CLTC: variants seen among roughly 807,000 people sequenced by gnomAD.
CLTC encodes the protein clathrin heavy chain.
In CLTC, 16 loss-of-function variants were observed where a neutral mutation model predicts 195.8. The ratio of observed to expected loss-of-function variants is 0.08; its 90% CI spans 0.06 to 0.12. The LOEUF (loss-of-function observed/expected upper bound fraction) is 0.12, where lower values mean the gene tolerates loss of function less well. Ranked by LOEUF, CLTC falls within the 10% of genes least tolerant of loss-of-function variation. The pLI is 1.00. For synonymous variants in CLTC, 667 were observed against 689.4 expected (o/e 0.97, Z 0.51); for missense variants, 796 against 2,027.0 (o/e 0.39, Z 11.66).
At position 59,641,603 on chromosome 17, in the gene CLTC, C is replaced by CAAAAAAAA. The variant is rs34208843; in HGVS notation, c.43-2656_43-2649dup. Among the ~76,000 whole-genome samples the CAAAAAAAA allele has an allele frequency of 1.8e-4, 9 of 48,826 alleles. 1 individual carries two copies. The highest frequency in any genetic ancestry group is 7.6e-4 in the East Asian group (1 of 1,312). 32.0% of individuals were successfully genotyped at this position (48,826 alleles called of 152,430 possible). A position where few individuals can be genotyped will look rare whatever the true frequency, so the allele number is the denominator to read the frequency against. On this transcript the variant is annotated intron_variant, in intron 1 of 31. Coordinates refer to ENST00000269122, the MANE Select transcript of CLTC (RefSeq NM_004859.4). ...CTGGCGACAGAGCAAGACTCCATCTCAAAAAAAAAAAAAAAAAAAAAAAAG... is the reference window on the plus strand; with the variant it reads ...CTGGCGACAGAGCAAGACTCCATCTCAAAAAAAAAAAAAAAAAAAAAAAAAAAAAAAAG...
chr17:59,668,793 G>C lies in CLTC; in HGVS notation c.2145G>C (p.Leu715=). 2 of 1,600,690 alleles carry C rather than the reference G, an allele frequency of 1.2e-6. No homozygotes were observed. The highest frequency in any genetic ancestry group is 1.7e-6 in the Non-Finnish European group (2 of 1,176,006). The change falls in exon 14 of 32, where the codon CTG becomes CTC. Residue 715 remains leucine (L), a synonymous_variant. Coordinates refer to ENST00000269122, the MANE Select transcript of CLTC (RefSeq NM_004859.4). ...FKSFEGLFYF[L]GSIVNFSQDP... is the part of the protein sequence containing the mutation. ...TTCTTTAAGGTCTCTTTTATTTTCT[G>C]GGATCCATTGTTAACTTTAGCCAGG...
chr17:59,664,712 T>G, intron 9 of CLTC, 75 bp from the exon 10 acceptor site: 1 of 1,511,326 alleles, frequency 6.6e-7, no homozygotes, highest in Non-Finnish European at 9.0e-7. Context: ...TAGTGAGATT[T>G]TATAGTAGAA....
At chr17:59,692,083 C>T (rs564222136) in intron 31 of CLTC, among the ~76,000 whole-genome samples, 1 of 152,206 alleles carries the variant, frequency 6.6e-6, no homozygotes, top group South Asian at 2.1e-4. Context: ...CTTTGGGAGG[C>T]CAAGGTGGGC....
intron 15 of CLTC, among the ~76,000 whole-genome samples, chr17:59,674,073 A>G (rs1185882935): frequency 6.6e-6 from 1 of 151,866 alleles, no homozygotes; most frequent in Non-Finnish European, 1.5e-5. Context: ...TGCTTTTAAT[A>G]CTTTTTCCCC....
intron 1 of CLTC, among the ~76,000 whole-genome samples, chr17:59,626,248 G>A (rs2143441513): frequency 6.6e-6 from 1 of 152,304 alleles, no homozygotes; most frequent in South Asian, 2.1e-4. Context: ...TTGTCTACTT[G>A]ATTGTGGATC....
intron 18 of CLTC, among the ~76,000 whole-genome samples, chr17:59,680,143 TAAC>T (rs1428666706): frequency 6.6e-6 from 1 of 152,042 alleles, no homozygotes; most frequent in Non-Finnish European, 1.5e-5. Flanking sequence ...AAAAGGAAAA[TAAC>T]AAACTAAACA....
chr17:59,642,470 C>G (rs987573433), intron 1 of CLTC, among the ~76,000 whole-genome samples: 5 of 152,074 alleles, frequency 3.3e-5, no homozygotes, highest in Non-Finnish European at 7.4e-5. Context: ...GTATATAGCT[C>G]TATGAACTTT....
chr17:59,628,603 G>A (rs1037807066), intron 1 of CLTC, among the ~76,000 whole-genome samples: 15 of 152,126 alleles, frequency 9.9e-5, no homozygotes, highest in African/African-American at 3.6e-4. Context: ...TGCACACTGG[G>A]GGTCTCAGGG....
Position 59,666,993 on chromosome 17 carries a change from T to G in CLTC, c.2128+16T>G, listed in dbSNP as rs747302331. On this transcript the variant is annotated intron_variant, in intron 13 of 31. Coordinates refer to ENST00000269122, the MANE Select transcript of CLTC (RefSeq NM_004859.4). The surrounding 1 kb of genome is among the most constrained non-coding windows in gnomAD (Gnocchi z 4.9). ...AGTTTTGAAGGTAATTAGGAGTTTT[T>G]GAGTTTTTAAAAAAAGTACTTAAGG... The G allele has an allele frequency of 4.3e-5, 69 of 1,596,944 alleles. No individual in the cohort carries two copies. Among genetic ancestry groups the G allele is most frequent in the Non-Finnish European group, 5.7e-5 (67 of 1,170,048 alleles).
chr17:59,658,531 C>G (rs1157348643), intron 6 of CLTC: 10 of 152,218 alleles, frequency 6.6e-5, no homozygotes, highest in Admixed American at 6.5e-4. Context: ...CTTTCTTCTA[C>G]TCTTTGCTAA....
At chr17:59,664,277 T>C (rs1421078616) in intron 9 of CLTC, among the ~76,000 whole-genome samples, 2 of 151,726 alleles carry the variant, frequency 1.3e-5, no homozygotes, top group African/African-American at 4.8e-5. Flanking sequence ...CCAGGCCAGG[T>C]GTGGTGGCTT....
chr17:59,639,930 G>C (rs2031981215), intron 1 of CLTC, among the ~76,000 whole-genome samples: 1 of 151,868 alleles, frequency 6.6e-6, no homozygotes. Flanking sequence ...CTCCAGCCTG[G>C]GCAACAGGGC....
At chr17:59,684,027 AAGTT>A in intron 28 of CLTC, 42 bp downstream of exon 28, 1 of 1,220,182 alleles carries the variant, frequency 8.2e-7, no homozygotes, top group South Asian at 1.4e-5. Context: ...AAGACTCATA[AAGTT>A]ATGTTTTCCC....
chr17:59,690,846 A>AT (rs972636546), intron 31 of CLTC, 135 bp downstream of exon 31: 225 of 545,942 alleles, frequency 4.1e-4, no homozygotes, highest in South Asian at 8.2e-4. Context: ...CTACTGTCTG[A>AT]TTTTTTTTCT....
At chr17:59,688,520 T>C (rs1312086178) in intron 30 of CLTC, among the ~76,000 whole-genome samples, 4 of 152,236 alleles carry the variant, frequency 2.6e-5, no homozygotes, top group African/African-American at 4.8e-5. Context: ...TCTCTGCTTT[T>C]TTTTTGAGCA....
chr17:59,679,542 TG>T (rs1426724074), intron 18 of CLTC, 23 bp downstream of exon 18: 1 of 1,543,260 alleles, frequency 6.5e-7, no homozygotes, highest in East Asian at 2.3e-5. Flanking sequence ...AATGTGTTTA[TG>T]GCTGTCAGTA....
chr17:59,656,666 ATTTTTTTTT>A (rs55669818), intron 6 of CLTC, among the ~76,000 whole-genome samples: 7 of 96,222 alleles, frequency 7.3e-5, no homozygotes, highest in African/African-American at 1.4e-4. Flanking sequence ...TATTATTTTA[ATTTTTTTTT>A]TTTTTTTTTT....
In CLTC at chr17:59,624,482, G is replaced by A. The variant is rs538433719; in HGVS notation, c.42+4309G>A. On this transcript the variant is annotated intron_variant, in intron 1 of 31. Transcript: ENST00000269122. ...TTTTTTTTTTTTTTTTTTTTTTTGAGACAGAGTCTCACTCTGTCCTCTGTC... is the reference window on the plus strand; with the variant it reads ...TTTTTTTTTTTTTTTTTTTTTTTGAAACAGAGTCTCACTCTGTCCTCTGTC... Among the ~76,000 whole-genome samples the A allele has an allele frequency of 7.8e-5, 7 of 89,700 alleles. No homozygotes were observed. In the South Asian group the frequency reaches 3.8e-3, roughly 49 times the overall value. 58.8% of individuals were successfully genotyped at this position (89,700 alleles called of 152,430 possible). A position where few individuals can be genotyped will look rare whatever the true frequency, so the allele number is the denominator to read the frequency against.
chr17:59,663,766 T>G, intron 8 of CLTC, 76 bp from the exon 9 acceptor site: 1 of 1,205,574 alleles, frequency 8.3e-7, no homozygotes, highest in South Asian at 1.4e-5. Flanking sequence ...TTATTACTTA[T>G]AGTGGACATA....
Sources: gnomAD v4.1 joint callset for allele counts (sites outside exome capture counted in the v4.1 genomes callset) on GRCh38, gnomAD v4.1.1 for gene constraint, Gnocchi (gnomAD v3.1) non-coding constraint, MANE v1.5 for transcripts, NCBI Gene and HGNC (gene_info 2026-07-23, HGNC 2026-07-21) for gene names.